TRMT2B: variants seen among roughly 807,000 people sequenced by gnomAD.
The protein encoded by TRMT2B is tRNA methyltransferase 2B.
A neutral mutation model predicts 39.7 loss-of-function variants in TRMT2B; 34 were observed. That is an observed-to-expected ratio of 0.86 (90% CI 0.65 to 1.14). TRMT2B has a LOEUF of 1.14. Among genes scored for constraint, TRMT2B ranks in the 50% most tolerant of loss-of-function variants. The pLI is 0.00. For missense variants in TRMT2B, 318 were observed against 377.2 expected, an observed-to-expected ratio of 0.84 and a Z score of 1.30; for synonymous variants, 132 against 137.3, an observed-to-expected ratio of 0.96 and a Z score of 0.27.
chrX:101,041,913 T>A, intron 3 of TRMT2B, 129 bp downstream of exon 3: 1 of 852,631 alleles, frequency 1.2e-6, no homozygotes. Context: ...AAATTTGCCC[T>A]GGGTATCCTA....
chrX:101,037,652 T>C (rs1465134650), intron 5 of TRMT2B: 2 of 275,871 alleles, frequency 7.2e-6, no homozygotes, highest in Non-Finnish European at 1.3e-5. Context: ...CTCTATCAGA[T>C]AGACCTGAGC....
At chrX:101,016,642 G>GTGTT (rs760927979) in intron 13 of TRMT2B, among the ~76,000 whole-genome samples, 110 of 57,587 alleles carry the variant, frequency 1.9e-3, no homozygotes, top group Middle Eastern at 0.013. Context: ...AATTTTCGTG[G>GTGTT]TTTTTTTTTT....
At chrX:100,975,735 C>T in the TRMT2B span, among the ~76,000 whole-genome samples, 2 of 108,774 alleles carry the variant, frequency 1.8e-5, no homozygotes, top group Admixed American at 2.0e-4. Context: ...CAGGTTCAAG[C>T]GATTCACATG....
At chrX:100,988,845 A>AT in the TRMT2B span, among the ~76,000 whole-genome samples, 17 of 47,358 alleles carry the variant, frequency 3.6e-4, no homozygotes, top group Non-Finnish European at 4.7e-4. Flanking sequence ...ATGAGATAAT[A>AT]TATCTCATAT....
chrX:100,975,027 C>A, the TRMT2B span, among the ~76,000 whole-genome samples: 5 of 111,810 alleles, frequency 4.5e-5, no homozygotes, highest in East Asian at 5.6e-4. Context: ...TTGTCCCCCC[C>A]AGTATTCAAT....
chrX:100,994,864 G>T, the TRMT2B span, among the ~76,000 whole-genome samples: 1 of 111,350 alleles, frequency 9.0e-6, no homozygotes, highest in Admixed American at 9.6e-5. Flanking sequence ...TCGAACTCCT[G>T]GGCTTAAGCA....
intron 7 of TRMT2B, among the ~76,000 whole-genome samples, chrX:101,024,465 G>A (rs1049574475): frequency 7.2e-5 from 8 of 111,620 alleles, no homozygotes; most frequent in African/African-American, 2.0e-4. Flanking sequence ...GGAGGCCAAC[G>A]TGGGAGGATT....
chrX:101,039,483 T>C (rs2088082964), intron 4 of TRMT2B, among the ~76,000 whole-genome samples: 1 of 112,051 alleles, frequency 8.9e-6, no homozygotes, highest in Admixed American at 9.6e-5. Context: ...ATCTCAAGGC[T>C]CATGGGAAAA....
At chrX:100,986,770 C>G in the TRMT2B span, 46 of 1,063,010 alleles carry the variant, frequency 4.3e-5, no homozygotes, top group African/African-American at 1.1e-4. Context: ...CCACTCTTTT[C>G]CTCCCTCTCT....
chrX:100,983,232 G>A, the TRMT2B span, among the ~76,000 whole-genome samples: 2 of 111,279 alleles, frequency 1.8e-5, no homozygotes, highest in East Asian at 5.6e-4. Flanking sequence ...GAAGGAACTG[G>A]TAAGGTTTCA....
At chrX:100,974,819 ACTGT>A in the TRMT2B span, among the ~76,000 whole-genome samples, 2 of 112,012 alleles carry the variant, frequency 1.8e-5, no homozygotes, top group African/African-American at 6.5e-5. Flanking sequence ...AGAAGCCAGC[ACTGT>A]CTGTCACAGG....
the TRMT2B span, chrX:100,974,194 A>T: frequency 8.5e-7 from 1 of 1,176,915 alleles, no homozygotes; most frequent in Admixed American, 2.4e-5. Context: ...GGCATTCCAA[A>T]AATGTAAGGA....
chrX:101,016,752 T>C (rs1374272498), intron 13 of TRMT2B, among the ~76,000 whole-genome samples: 2 of 105,593 alleles, frequency 1.9e-5, no homozygotes, highest in Admixed American at 1.0e-4. Context: ...GTTCAAGCAG[T>C]TCTCCTGCCT....
intron 6 of TRMT2B, 23 bp from the exon 7 acceptor site, chrX:101,035,706 C>T (rs1382330283): frequency 8.6e-7 from 1 of 1,166,211 alleles, no homozygotes; most frequent in South Asian, 1.8e-5. Context: ...AAATAATTTG[C>T]ATGGTTTTAT....
At position 101,046,422 on chromosome X, in the gene TRMT2B, G is replaced by C. The variant is rs184106446; in HGVS notation, c.-23-4110C>G. ...GGCAATGGGAAGTGGCAGGCAGTGG[G>C]GACATATGAAGGCTTTGAGATTTTA... On this transcript the variant is annotated intron_variant, in intron 2 of 13. Coordinates refer to ENST00000372936, the MANE Select transcript of TRMT2B (RefSeq NM_024917.6). Among the ~76,000 whole-genome samples, 185 of 111,142 alleles carry C rather than the reference G, an allele frequency of 1.7e-3. 2 individuals carry two copies. Among genetic ancestry groups the C allele is most frequent in the African/African-American group, 5.8e-3 (178 of 30,670 alleles).
chrX:100,984,871 A>C, the TRMT2B span, among the ~76,000 whole-genome samples: 1 of 112,301 alleles, frequency 8.9e-6, no homozygotes, highest in African/African-American at 3.2e-5. Flanking sequence ...TTATCAGATT[A>C]ATCCAATAAT....
intron 8 of TRMT2B, 140 bp downstream of exon 8, chrX:101,023,330 C>G: frequency 1.6e-6 from 1 of 615,342 alleles, no homozygotes; most frequent in Non-Finnish European, 2.6e-6. Context: ...CTCCTCATCC[C>G]TAACCCCTCT....
chrX:100,985,909 A>G, the TRMT2B span: 8 of 1,204,467 alleles, frequency 6.6e-6, no homozygotes, highest in South Asian at 1.4e-4. Context: ...AGGGAAACCC[A>G]TCTTAATGTA....
At chrX:100,988,526 C>A in the TRMT2B span, 2 of 1,135,928 alleles carry the variant, frequency 1.8e-6, no homozygotes, top group Admixed American at 5.1e-5. Flanking sequence ...TTATAGACTC[C>A]AGCTCCATAT....
Sources: gnomAD v4.1 joint callset for allele counts (sites outside exome capture counted in the v4.1 genomes callset) on GRCh38, gnomAD v4.1.1 for gene constraint, MANE v1.5 for transcripts, NCBI Gene and HGNC (gene_info 2026-07-23, HGNC 2026-07-21) for gene names.